HEATR6: variants seen among roughly 807,000 people sequenced by gnomAD.
The protein encoded by HEATR6 is HEAT repeat containing 6.
HEATR6 carries 106 observed loss-of-function variants against 132.8 expected under a neutral mutation model. The observed-to-expected ratio is 0.80, with a 90% CI of 0.68 to 0.94. HEATR6 has a LOEUF of 0.94. Ranked by LOEUF, HEATR6 falls within the 40% of genes least tolerant of loss-of-function variation. HEATR6 has a pLI of 0.00. For missense variants in HEATR6, 1,339 were observed against 1,425.1 expected (o/e 0.94, Z 0.97); for synonymous variants, 529 against 537.8 (o/e 0.98, Z 0.23).
intron 7 of HEATR6, among the ~76,000 whole-genome samples, chr17:60,069,235 T>C (rs1381807946): frequency 6.6e-6 from 1 of 152,246 alleles, no homozygotes; most frequent in African/African-American, 2.4e-5. Flanking sequence ...TGGCAAATTA[T>C]GGCCCAAAAG....
rs368983464 is a variant in HEATR6 at position 60,043,030 on chromosome 17, T to C, written c.*533A>G. ...ACCGTCAGCATCCTCGCGTCCTGTG[T>C]GGCTGTGAGGCACCGTCAGCATCCT... On this transcript the variant is annotated 3_prime_UTR_variant, in exon 20 of 20. Transcript: ENST00000184956. The C allele has an allele frequency of 2.3e-3, 292 of 127,442 alleles. 8 individuals are homozygous for C. The highest frequency in any genetic ancestry group is 9.8e-3 in the African/African-American group (195 of 19,874). The allele number at this position is 127,442 out of a possible 1,614,324, so 7.9% of individuals were successfully genotyped here. A position where few individuals can be genotyped will look rare whatever the true frequency, so the allele number is the denominator to read the frequency against.
intron 14 of HEATR6, among the ~76,000 whole-genome samples, chr17:60,054,855 A>AGTGAGAGGAAC (rs1391692978): frequency 6.6e-6 from 1 of 152,190 alleles, no homozygotes; most frequent in East Asian, 1.9e-4. Flanking sequence ...TGTATTTTAC[A>AGTGAGAGGAAC]GTGAGAGGAA....
intron 18 of HEATR6, among the ~76,000 whole-genome samples, 179 bp from the exon 19 acceptor site, chr17:60,046,408 T>G (rs545673006): frequency 6.6e-6 from 1 of 152,320 alleles, no homozygotes; most frequent in East Asian, 1.9e-4. Context: ...TCTACAGAAC[T>G]CCTCTCTCTG....
intron 7 of HEATR6, among the ~76,000 whole-genome samples, chr17:60,068,834 T>A (rs1015426342): frequency 6.6e-6 from 1 of 152,184 alleles, no homozygotes; most frequent in African/African-American, 2.4e-5. Flanking sequence ...GTCCTCAATG[T>A]GTTCCCAGAG....
Position 60,043,504 on chromosome 17 carries a change from T to A in HEATR6, c.*59A>T, listed in dbSNP as rs773654641. On this transcript the variant is annotated 3_prime_UTR_variant, in exon 20 of 20. Transcript: ENST00000184956. Reference sequence around the variant, plus strand: ...CTAAGATGAAATCCCACAGATCTTATGCTCAAGCTCAGGTCTTCCTACTGC... The same window carrying A: ...CTAAGATGAAATCCCACAGATCTTAAGCTCAAGCTCAGGTCTTCCTACTGC... 7.6e-7 allele frequency: 1 copy of A among 1,316,222 alleles called. No individual in the cohort carries two copies. Among genetic ancestry groups the A allele is most frequent in the Non-Finnish European group, 1.1e-6 (1 of 938,152 alleles). 81.5% of individuals were successfully genotyped at this position (1,316,222 alleles called of 1,614,324 possible).
At position 60,047,526 on chromosome 17, in the gene HEATR6, T is replaced by C. The variant is rs1598904742; in HGVS notation, c.2673-121A>G. On this transcript the variant is annotated intron_variant, in intron 17 of 19. Transcript: ENST00000184956. Reference sequence around the variant, plus strand: ...TAGGAAAACAGTTTAACAAATCTGCTTAGATTATATCAAGAAACTTACATT... The same window carrying C: ...TAGGAAAACAGTTTAACAAATCTGCCTAGATTATATCAAGAAACTTACATT... The C allele has an allele frequency of 4.8e-5, 22 of 457,054 alleles. No homozygotes were observed. In the East Asian group the frequency reaches 7.4e-4, roughly 15 times the overall value. 28.3% of individuals were successfully genotyped at this position (457,054 alleles called of 1,614,324 possible).
intron 18 of HEATR6, 116 bp from the exon 19 acceptor site, chr17:60,046,345 G>T: frequency 1.4e-6 from 1 of 698,856 alleles, no homozygotes; most frequent in Non-Finnish European, 2.4e-6. Flanking sequence ...CAAGTCCTTG[G>T]AACTCACAAG....
chr17:60,043,207 T>C lies in HEATR6; in HGVS notation c.*356A>G, dbSNP rs189032278. The C allele has an allele frequency of 7.7e-6, 2 of 259,218 alleles. No individual in the cohort carries two copies. The highest frequency in any genetic ancestry group is 2.2e-4 in the East Asian group (2 of 9,252). The allele number at this position is 259,218 out of a possible 1,614,324, so 16.1% of individuals were successfully genotyped here. A position where few individuals can be genotyped will look rare whatever the true frequency, so the allele number is the denominator to read the frequency against. ...TTGTGGACACACTATTTTTCGTTAGTTTATTACAAAACTACAGATACAATA... is the reference window on the plus strand; with the variant it reads ...TTGTGGACACACTATTTTTCGTTAGCTTATTACAAAACTACAGATACAATA... On this transcript the variant is annotated 3_prime_UTR_variant, in exon 20 of 20. Coordinates refer to ENST00000184956, the MANE Select transcript of HEATR6 (RefSeq NM_022070.5).
chr17:60,078,498 T>C (rs1025466909), intron 1 of HEATR6, among the ~76,000 whole-genome samples, 198 bp downstream of exon 1: 4 of 151,954 alleles, frequency 2.6e-5, no homozygotes, highest in Non-Finnish European at 5.9e-5. Context: ...GGGTTTTGAA[T>C]GACTCGAGCG....
chr17:60,055,479 T>C (rs1338210897), intron 14 of HEATR6, 36 bp downstream of exon 14: 2 of 1,406,282 alleles, frequency 1.4e-6, no homozygotes, highest in East Asian at 2.3e-5. Context: ...AACTGAAGCA[T>C]TAATAAAAGA....
chr17:60,055,589 G>A lies in HEATR6; in HGVS notation c.2215C>T (p.Leu739=), dbSNP rs775711481. The A allele has an allele frequency of 6.8e-6, 11 of 1,610,174 alleles. No homozygotes were observed. Among genetic ancestry groups the A allele is most frequent in the Non-Finnish European group, 9.3e-6 (11 of 1,178,216 alleles). The change falls in exon 14 of 20, where the codon CTG becomes TTG. Residue 739 remains leucine, a synonymous_variant. Coordinates refer to ENST00000184956, the MANE Select transcript of HEATR6 (RefSeq NM_022070.5). ...TACTGCTGTATTAAGCCTGTGCCCA[G>A]TTCTTCCAGAAGCTGCCAAGAAAAA... The part of the protein sequence containing the change: ...QLHGAKLLEE[L]GTGLIQQYKP...
rs144009139 is a variant in HEATR6 at position 60,059,423 on chromosome 17, T to C, written c.1722A>G (p.Lys574=). Residue 574 remains lysine, a splice_region_variant and synonymous_variant, in exon 11 of 20, where the codon AAA becomes AAG. Coordinates refer to ENST00000184956, the MANE Select transcript of HEATR6 (RefSeq NM_022070.5). ...CATCAGTTTTAAGCCACTACAAACC[T>C]TTGTGGCGAATATAAGGCTTTATCT... The part of the protein sequence containing the change: ...WNQIKPYIRH[K]DVNVRVSSLT... 3 of 1,601,342 alleles carry C rather than the reference T, an allele frequency of 1.9e-6. No homozygotes were observed. Among genetic ancestry groups the C allele is most frequent in the African/African-American group, 2.7e-5 (2 of 74,536 alleles).
chr17:60,078,134 C>T (rs1186497368), intron 1 of HEATR6, among the ~76,000 whole-genome samples: 2 of 152,280 alleles, frequency 1.3e-5, no homozygotes, highest in Middle Eastern at 6.8e-3. Context: ...ATGGTGTCAA[C>T]AGTTCAGAGA....
At position 60,066,447 on chromosome 17, in the gene HEATR6, C is replaced by T. The variant is rs968427712; in HGVS notation, c.1239-61G>A. 40 of 1,226,454 alleles carry T rather than the reference C, an allele frequency of 3.3e-5. No individual in the cohort carries two copies. The East Asian group carries it at 7.4e-4, about 23-fold the overall frequency. The allele number at this position is 1,226,454 out of a possible 1,614,324, so 76.0% of individuals were successfully genotyped here. ...AAAAATCATTTTTTTAAAAAAAATG[C>T]AAACATGAAATGGTATTTATTTCCA... On this transcript the variant is annotated intron_variant, in intron 8 of 19. Transcript: ENST00000184956.
intron 11 of HEATR6, among the ~76,000 whole-genome samples, chr17:60,058,191 G>C (rs1906817179): frequency 6.6e-6 from 1 of 152,150 alleles, no homozygotes; most frequent in Admixed American, 6.6e-5. Context: ...TGAATCTATA[G>C]ATCAAGTTGG....
At chr17:60,054,634 G>GC (rs1906686121) in intron 14 of HEATR6, among the ~76,000 whole-genome samples, 3 of 152,220 alleles carry the variant, frequency 2.0e-5, no homozygotes, top group Admixed American at 6.5e-5. Context: ...GGGGCTTGTT[G>GC]CCCCTTTCTT....
chr17:60,049,520 A>G, intron 16 of HEATR6, 60 bp downstream of exon 16: 1 of 1,599,566 alleles, frequency 6.3e-7, no homozygotes, highest in Non-Finnish European at 8.5e-7. Context: ...TATATCCACA[A>G]AATAGGGGTG....
intron 14 of HEATR6, among the ~76,000 whole-genome samples, chr17:60,051,890 C>A (rs1906588203): frequency 1.3e-5 from 2 of 152,176 alleles, no homozygotes; most frequent in African/African-American, 4.8e-5. Context: ...GGATGGCACA[C>A]AATTACAGTC....
intron 17 of HEATR6, 61 bp from the exon 18 acceptor site, chr17:60,047,466 TAGAA>T: frequency 3.3e-6 from 3 of 906,068 alleles, no homozygotes; most frequent in Non-Finnish European, 5.2e-6. Context: ...TATATACATA[TAGAA>T]ATATATTCAA....
Sources: gnomAD v4.1 joint callset for allele counts (sites outside exome capture counted in the v4.1 genomes callset) on GRCh38, gnomAD v4.1.1 for gene constraint, MANE v1.5 for transcripts, NCBI Gene and HGNC (gene_info 2026-07-23, HGNC 2026-07-21) for gene names.